The following AGBL1 variants were observed in gnomAD, a reference collection of about 807,000 sequenced individuals.
AGBL1 encodes the protein cytosolic carboxypeptidase 4.
AGBL1 carries 130 observed loss-of-function variants against 118.9 expected under a neutral mutation model. That is an observed-to-expected ratio of 1.09 (90% CI 0.95 to 1.26). The LOEUF (loss-of-function observed/expected upper bound fraction) is 1.26. Ranked by LOEUF, AGBL1 falls within the 50% of genes most tolerant of loss-of-function variation. The probability of loss-of-function intolerance (pLI) is 0.00; values close to 1 mark genes in which losing one functional copy is unlikely to be tolerated. For missense variants in AGBL1, 1,584 were observed against 1,298.1 expected (o/e 1.22, Z -3.38); for synonymous variants, 555 against 478.9 (o/e 1.16, Z -2.08).
chr15:86,868,814 G>A (rs1051818246), intron 22 of AGBL1, among the ~76,000 whole-genome samples: 1 of 152,080 alleles, frequency 6.6e-6, no homozygotes, highest in African/African-American at 2.4e-5. Context: ...GAAATTAATG[G>A]AATTGTGACA....
intron 18 of AGBL1, among the ~76,000 whole-genome samples, chr15:86,471,908 T>C (rs191166845): frequency 3.3e-5 from 5 of 152,262 alleles, no homozygotes; most frequent in Admixed American, 2.0e-4. Flanking sequence ...AAGTTAAAGA[T>C]CTCAAAATGA....
intron 18 of AGBL1, among the ~76,000 whole-genome samples, chr15:86,415,860 T>A (rs906558472): frequency 7.9e-5 from 12 of 152,186 alleles, no homozygotes; most frequent in African/African-American, 2.9e-4. Context: ...ATAAATGTTA[T>A]GATTATTCAC....
intron 9 of AGBL1, among the ~76,000 whole-genome samples, chr15:86,261,139 C>A (rs890797113): frequency 1.3e-5 from 2 of 152,166 alleles, no homozygotes; most frequent in Non-Finnish European, 2.9e-5. Context: ...CTAAGTGGGT[C>A]GCCTAGTCAC....
intron 22 of AGBL1, among the ~76,000 whole-genome samples, chr15:86,700,484 CACACACACACACACACACACACACACAA>C (rs2086337778): frequency 8.8e-6 from 1 of 113,222 alleles, no homozygotes; most frequent in East Asian, 4.5e-4. Flanking sequence ...CACACACACA[CACACACACACACACACACACACACACAA>C]AATCTCTCTT....
intron 21 of AGBL1, among the ~76,000 whole-genome samples, chr15:86,652,716 T>A (rs1216233212): frequency 6.6e-6 from 1 of 152,206 alleles, no homozygotes; most frequent in Non-Finnish European, 1.5e-5. Context: ...TGTTTGAAGT[T>A]TTCTCTTTGA....
chr15:86,882,231 C>G (rs772117860), intron 22 of AGBL1, among the ~76,000 whole-genome samples: 4 of 152,170 alleles, frequency 2.6e-5, no homozygotes, highest in Non-Finnish European at 5.9e-5. Flanking sequence ...TTCCTAATCA[C>G]TTCCTCAGAA....
chr15:86,220,772 G>T (rs1567135810), intron 5 of AGBL1, among the ~76,000 whole-genome samples: 5 of 152,098 alleles, frequency 3.3e-5, no homozygotes, highest in Non-Finnish European at 7.4e-5. Flanking sequence ...GTAAACATGG[G>T]GACATCCATT....
intron 22 of AGBL1, among the ~76,000 whole-genome samples, chr15:86,751,963 C>A (rs2141254934): frequency 6.6e-6 from 1 of 152,190 alleles, no homozygotes; most frequent in Admixed American, 6.5e-5. Context: ...ATTTACAAAC[C>A]ACCCTCAATC....
chr15:86,892,319 T>A (rs1350009042), intron 22 of AGBL1, among the ~76,000 whole-genome samples: 1 of 152,192 alleles, frequency 6.6e-6, no homozygotes. Flanking sequence ...TTACTTTTTA[T>A]GTGGGAATGA....
intron 22 of AGBL1, among the ~76,000 whole-genome samples, chr15:86,869,492 C>A (rs1190031567): frequency 6.6e-6 from 1 of 152,132 alleles, no homozygotes; most frequent in Non-Finnish European, 1.5e-5. Context: ...CTAAATGACA[C>A]ACTAGTGTTC....
chr15:86,511,885 T>G (rs1276249119), intron 18 of AGBL1, among the ~76,000 whole-genome samples: 2 of 151,998 alleles, frequency 1.3e-5, no homozygotes, highest in African/African-American at 2.4e-5. Context: ...AATTATCCAT[T>G]TCATTTTACA....
chr15:86,678,206 C>A (rs1192777333), intron 22 of AGBL1, among the ~76,000 whole-genome samples: 3 of 152,096 alleles, frequency 2.0e-5, no homozygotes, highest in African/African-American at 7.2e-5. Context: ...ACCATGCTGG[C>A]AATAAATTAT....
At chr15:86,802,201 C>G (rs1286139276) in intron 22 of AGBL1, among the ~76,000 whole-genome samples, 1 of 152,022 alleles carries the variant, frequency 6.6e-6, no homozygotes, top group Admixed American at 6.6e-5. Context: ...CAGCTCTCAA[C>G]TTTGAATTAT....
At chr15:86,828,957 G>A (rs1426137157) in intron 22 of AGBL1, among the ~76,000 whole-genome samples, 2 of 143,382 alleles carry the variant, frequency 1.4e-5, no homozygotes, top group African/African-American at 2.6e-5. Flanking sequence ...GTATTTATAT[G>A]GTATAATAAA....
At chr15:86,723,645 TAAAGTA>T (rs893929936) in intron 22 of AGBL1, among the ~76,000 whole-genome samples, 1 of 151,792 alleles carries the variant, frequency 6.6e-6, no homozygotes, top group Non-Finnish European at 1.5e-5. Flanking sequence ...CCCTAAAACT[TAAAGTA>T]TAATAATAAA....
chr15:86,975,511 G>A (rs970813114), intron 23 of AGBL1, among the ~76,000 whole-genome samples: 1 of 152,056 alleles, frequency 6.6e-6, no homozygotes, highest in Non-Finnish European at 1.5e-5. Context: ...TAGGGACACA[G>A]TCAAGCCATA....
At chr15:86,556,141 C>A in intron 21 of AGBL1, 1 of 1,181,436 alleles carries the variant, frequency 8.5e-7, no homozygotes, top group Non-Finnish European at 1.2e-6. Flanking sequence ...AATAAATCAG[C>A]TGGAAACTCA....
intron 18 of AGBL1, among the ~76,000 whole-genome samples, chr15:86,499,900 T>C (rs1264423352): frequency 6.6e-6 from 1 of 151,818 alleles, no homozygotes; most frequent in East Asian, 1.9e-4. Flanking sequence ...TGTTCCTCCT[T>C]CTTCAGTGAG....
At chr15:86,151,633 T>C (rs2077112746) in intron 3 of AGBL1, among the ~76,000 whole-genome samples, 1 of 152,156 alleles carries the variant, frequency 6.6e-6, no homozygotes, top group Non-Finnish European at 1.5e-5. Flanking sequence ...GTATGCCCTC[T>C]CTCACCACTC....
Sources: allele counts gnomAD v4.1 joint callset (sites outside exome capture counted in the v4.1 genomes callset), GRCh38; gene constraint gnomAD v4.1.1; transcripts MANE v1.5; gene names NCBI Gene and HGNC (gene_info 2026-07-23, HGNC 2026-07-21).